GSE1: variants seen among roughly 807,000 people sequenced by gnomAD.
The protein encoded by GSE1 is genetic suppressor element 1.
GSE1 carries 32 observed loss-of-function variants against 112.6 expected under a neutral mutation model. The ratio of observed to expected loss-of-function variants is 0.28; its 90% CI spans 0.21 to 0.38. The LOEUF (loss-of-function observed/expected upper bound fraction) is 0.38. Ranked by LOEUF, GSE1 falls within the 10% of genes least tolerant of loss-of-function variation. The probability of loss-of-function intolerance (pLI) is 1.00; values close to 1 mark genes in which losing one functional copy is unlikely to be tolerated. For synonymous variants in GSE1, 1,115 were observed against 735.6 expected (o/e 1.52, Z -8.35); for missense variants, 2,348 against 1,699.2 (o/e 1.38, Z -6.71).
chr16:85,402,354 G>C (rs1205537128), intron 2 of GSE1, among the ~76,000 whole-genome samples: 2 of 152,236 alleles, frequency 1.3e-5, no homozygotes, highest in Non-Finnish European at 2.9e-5. Context: ...TGCCAGGAAG[G>C]GGGACTCGAG....
intron 1 of GSE1, among the ~76,000 whole-genome samples, chr16:85,297,319 G>A (rs975054899): frequency 1.3e-4 from 19 of 150,684 alleles, no homozygotes; most frequent in South Asian, 8.3e-4. Flanking sequence ...GTGACTCGCC[G>A]AAGGGTAGGG....
At position 85,613,418 on chromosome 16, in the gene GSE1, C is replaced by A; in HGVS notation, c.7+20C>A. On this transcript the variant is annotated intron_variant, in intron 1 of 15. Transcript: ENST00000253458. Reference sequence around the variant, plus strand: ...TGAAAGGTGAGCGCGCCGCACCCGGCCGGGGACGGGGTCCTCCCCCCTCCC... The same window carrying A: ...TGAAAGGTGAGCGCGCCGCACCCGGACGGGGACGGGGTCCTCCCCCCTCCC... 3.2e-6 allele frequency: 5 copies of A among 1,549,504 alleles called. No homozygotes were observed. Among genetic ancestry groups the A allele is most frequent in the Non-Finnish European group, 4.4e-6 (5 of 1,146,968 alleles).
chr16:85,306,570 G>GA (rs2045684647), intron 1 of GSE1, among the ~76,000 whole-genome samples: 1 of 152,182 alleles, frequency 6.6e-6, no homozygotes, highest in Non-Finnish European at 1.5e-5. Flanking sequence ...TTGTTTTAGA[G>GA]ATGGGGTCTC....
chr16:85,259,271 G>A (rs1907415714), intron 1 of GSE1, among the ~76,000 whole-genome samples: 1 of 75,046 alleles, frequency 1.3e-5, no homozygotes, highest in Non-Finnish European at 2.9e-5. Context: ...GTCCTGCCCT[G>A]TGCTCCACCC....
intron 1 of GSE1, among the ~76,000 whole-genome samples, chr16:85,572,167 ATAC>A (rs1477613004): frequency 2.7e-5 from 4 of 148,354 alleles, no homozygotes; most frequent in Non-Finnish European, 4.5e-5. Context: ...CACACACTGA[ATAC>A]TACACACACA....
chr16:85,524,678 G>T (rs114996376), intron 2 of GSE1, among the ~76,000 whole-genome samples: 1 of 152,148 alleles, frequency 6.6e-6, no homozygotes, highest in African/African-American at 2.4e-5. Context: ...GCATTCCTGG[G>T]CCAGGAAGCC....
chr16:85,500,221 C>A (rs2051314496), intron 2 of GSE1, among the ~76,000 whole-genome samples: 1 of 152,208 alleles, frequency 6.6e-6, no homozygotes, highest in African/African-American at 2.4e-5. Flanking sequence ...TTTTTCTCCT[C>A]CTGTCATTCT....
intron 2 of GSE1, among the ~76,000 whole-genome samples, chr16:85,360,809 G>A (rs1451299937): frequency 6.6e-6 from 1 of 151,662 alleles, no homozygotes; most frequent in East Asian, 1.9e-4. Flanking sequence ...AGACACATGG[G>A]CAGACCCAGC....
chr16:85,232,650 G>T (rs999021386), intron 1 of GSE1, among the ~76,000 whole-genome samples: 5 of 152,206 alleles, frequency 3.3e-5, no homozygotes, highest in Admixed American at 6.5e-5. Flanking sequence ...TCCCATCGAG[G>T]TGCTCCTTGC....
chr16:85,247,351 G>A (rs1379245415), intron 1 of GSE1, among the ~76,000 whole-genome samples: 2 of 152,192 alleles, frequency 1.3e-5, no homozygotes, highest in Non-Finnish European at 2.9e-5. Flanking sequence ...CAATGGATGG[G>A]AAACCCACCG....
chr16:85,623,148 A>G (rs1166414482), intron 1 of GSE1, among the ~76,000 whole-genome samples: 1 of 152,046 alleles, frequency 6.6e-6, no homozygotes, highest in Non-Finnish European at 1.5e-5. Flanking sequence ...TCGTTTAAAC[A>G]ACACAGCGTG....
intron 1 of GSE1, among the ~76,000 whole-genome samples, chr16:85,632,229 C>T (rs568043603): frequency 2.0e-5 from 3 of 152,364 alleles, no homozygotes; most frequent in African/African-American, 7.2e-5. Flanking sequence ...GCCACGGCGC[C>T]ACCTGGCTGT....
intron 11 of GSE1, chr16:85,664,624 G>C (rs539068486): frequency 2.3e-5 from 4 of 176,178 alleles, no homozygotes; most frequent in Admixed American, 6.1e-5. Context: ...TGGTAGGAGT[G>C]GGGGAGAAGG....
chr16:85,604,136 C>T (rs146737292), intron 1 of GSE1, among the ~76,000 whole-genome samples: 56 of 152,254 alleles, frequency 3.7e-4, no homozygotes, highest in African/African-American at 1.3e-3. Flanking sequence ...AAAAGGACCA[C>T]CCCAAAAGGA....
intron 1 of GSE1, among the ~76,000 whole-genome samples, chr16:85,557,531 C>T (rs1452789140): frequency 6.7e-6 from 1 of 149,826 alleles, no homozygotes; most frequent in Non-Finnish European, 1.5e-5. Flanking sequence ...AATTGTTTTG[C>T]TGGGGAAGGG....
chr16:85,430,104 G>C (rs976064065), intron 2 of GSE1, among the ~76,000 whole-genome samples: 1 of 152,230 alleles, frequency 6.6e-6, no homozygotes, highest in Non-Finnish European at 1.5e-5. Flanking sequence ...GTGTGAGCAG[G>C]GTCCCTGCAA....
chr16:85,554,007 A>T (rs978997384), upstream of GSE1, among the ~76,000 whole-genome samples: 1 of 152,148 alleles, frequency 6.6e-6, no homozygotes, highest in Non-Finnish European at 1.5e-5. Flanking sequence ...CTGTTCCTCA[A>T]ACCATGATTG....
chr16:85,183,475 A>G (rs2074637093), intron 1 of GSE1, among the ~76,000 whole-genome samples: 1 of 152,204 alleles, frequency 6.6e-6, no homozygotes, highest in African/African-American at 2.4e-5. Context: ...TTCCACAGCC[A>G]GGGCACCCAG....
intron 2 of GSE1, among the ~76,000 whole-genome samples, chr16:85,364,280 C>A (rs911091068): frequency 1.3e-5 from 2 of 152,214 alleles, no homozygotes; most frequent in African/African-American, 4.8e-5. Context: ...TCTCTCTCCT[C>A]TTCTCCTGCC....
Sources: allele counts gnomAD v4.1 joint callset (sites outside exome capture counted in the v4.1 genomes callset), GRCh38; gene constraint gnomAD v4.1.1; transcripts MANE v1.5; gene names NCBI Gene and HGNC (gene_info 2026-07-23, HGNC 2026-07-21).